FBXL17: variants seen among roughly 807,000 people sequenced by gnomAD.
The protein encoded by FBXL17 is F-box and leucine rich repeat protein 17, also known as F-box/LRR-repeat protein 17.
A neutral mutation model predicts 66.2 loss-of-function variants in FBXL17; 22 were observed. The ratio of observed to expected loss-of-function variants is 0.33; its 90% CI spans 0.24 to 0.47. The LOEUF (loss-of-function observed/expected upper bound fraction) is 0.47. FBXL17 is among the 20% of genes least tolerant of loss of function. FBXL17 has a pLI of 1.00. For missense variants in FBXL17, 878 were observed against 948.2 expected (o/e 0.93, Z 0.97); for synonymous variants, 474 against 400.5 (o/e 1.18, Z -2.19).
intron 4 of FBXL17, among the ~76,000 whole-genome samples, chr5:108,344,738 T>C (rs893076845): frequency 1.3e-5 from 2 of 152,194 alleles, no homozygotes. Context: ...ACAGGGAAAT[T>C]AAAGAAGCAC....
intron 6 of FBXL17, among the ~76,000 whole-genome samples, chr5:108,101,779 T>C (rs1205267899): frequency 6.6e-6 from 1 of 152,232 alleles, no homozygotes; most frequent in East Asian, 1.9e-4. Context: ...CCTACACTAA[T>C]CTGTGGCTTT....
At chr5:108,012,603 C>T (rs755144955) in intron 7 of FBXL17, among the ~76,000 whole-genome samples, 18 of 152,186 alleles carry the variant, frequency 1.2e-4, no homozygotes, top group Non-Finnish European at 2.1e-4. Context: ...TCTCTGACCT[C>T]TGAGTGATTA....
chr5:108,055,194 G>A (rs1747639450), intron 6 of FBXL17, among the ~76,000 whole-genome samples: 1 of 139,054 alleles, frequency 7.2e-6, no homozygotes, highest in African/African-American at 2.6e-5. Context: ...ATATGCTACA[G>A]TATTATTACC....
intron 1 of FBXL17, among the ~76,000 whole-genome samples, chr5:108,375,951 G>A (rs1329312384): frequency 2.0e-5 from 3 of 152,044 alleles, no homozygotes; most frequent in Admixed American, 2.0e-4. Context: ...AGGAATGCAA[G>A]GATGGTTCAA....
intron 8 of FBXL17, among the ~76,000 whole-genome samples, chr5:107,869,409 G>A (rs1748380064): frequency 6.6e-6 from 1 of 151,996 alleles, no homozygotes; most frequent in Non-Finnish European, 1.5e-5. Context: ...CTCTAAGATG[G>A]GCACATATTA....
intron 4 of FBXL17, among the ~76,000 whole-genome samples, chr5:108,231,849 G>C (rs1394778543): frequency 6.6e-6 from 1 of 152,098 alleles, no homozygotes; most frequent in Non-Finnish European, 1.5e-5. Flanking sequence ...AGATCCATTA[G>C]GGCTTCTTTT....
At chr5:107,883,135 C>T (rs981559525) in intron 7 of FBXL17, among the ~76,000 whole-genome samples, 7 of 152,194 alleles carry the variant, frequency 4.6e-5, no homozygotes, top group Admixed American at 3.9e-4. Context: ...CTACTGACTA[C>T]GTTCTATGTG....
intron 6 of FBXL17, among the ~76,000 whole-genome samples, chr5:108,041,644 C>T (rs761835501): frequency 1.4e-4 from 21 of 152,050 alleles, no homozygotes; most frequent in Non-Finnish European, 2.8e-4. Flanking sequence ...TCTCGAACTC[C>T]TTAGCTCAAG....
chr5:108,020,621 AAAC>A (rs1754557314), intron 7 of FBXL17, among the ~76,000 whole-genome samples: 1 of 151,816 alleles, frequency 6.6e-6, no homozygotes, highest in Admixed American at 6.6e-5. Flanking sequence ...TTTTATTGTT[AAAC>A]TTATTTTCAT....
chr5:108,301,432 A>T (rs752256697), intron 4 of FBXL17, among the ~76,000 whole-genome samples: 8 of 149,274 alleles, frequency 5.4e-5, no homozygotes, highest in Non-Finnish European at 1.0e-4. Context: ...TATTTACAAC[A>T]GCTTATCTAT....
At chr5:108,031,458 A>T (rs771056386) in intron 6 of FBXL17, among the ~76,000 whole-genome samples, 18 of 152,096 alleles carry the variant, frequency 1.2e-4, no homozygotes, top group South Asian at 2.1e-4. Context: ...AGAACCAAAG[A>T]AAGAGGGAAG....
chr5:108,190,373 TAG>T (rs933333328), intron 5 of FBXL17, among the ~76,000 whole-genome samples: 11 of 151,960 alleles, frequency 7.2e-5, no homozygotes, highest in Non-Finnish European at 1.3e-4. Context: ...GAAAGAGAAA[TAG>T]AGAGAGACAG....
intron 7 of FBXL17, among the ~76,000 whole-genome samples, chr5:107,901,554 A>G (rs987057585): frequency 2.0e-5 from 3 of 152,156 alleles, no homozygotes; most frequent in African/African-American, 7.2e-5. Flanking sequence ...GCAACAGGTG[A>G]AGGTGCTTTA....
At chr5:107,975,429 T>C (rs1012698124) in intron 7 of FBXL17, among the ~76,000 whole-genome samples, 1 of 152,234 alleles carries the variant, frequency 6.6e-6, no homozygotes, top group Admixed American at 6.5e-5. Context: ...TGTCATAATA[T>C]GTATTTTCAC....
intron 1 of FBXL17, 86 bp downstream of exon 1, chr5:108,380,613 C>A (rs1749778504): frequency 2.3e-6 from 2 of 879,932 alleles, no homozygotes; most frequent in Non-Finnish European, 3.0e-6. Context: ...CTCCTCCGCG[C>A]TTAGGGGGAG....
At chr5:108,017,461 A>G (rs1374647125) in intron 7 of FBXL17, among the ~76,000 whole-genome samples, 2 of 152,192 alleles carry the variant, frequency 1.3e-5, no homozygotes, top group African/African-American at 2.4e-5. Flanking sequence ...AAGATTCTGT[A>G]TGACAAGAAC....
At chr5:108,300,868 AGAAT>A (rs1184722628) in intron 4 of FBXL17, among the ~76,000 whole-genome samples, 3 of 151,828 alleles carry the variant, frequency 2.0e-5, no homozygotes, top group Admixed American at 6.6e-5. Flanking sequence ...AAAATGATTT[AGAAT>A]GAAAGATCAT....
At chr5:107,906,373 G>A (rs1348954349) in intron 7 of FBXL17, among the ~76,000 whole-genome samples, 1 of 152,104 alleles carries the variant, frequency 6.6e-6, no homozygotes, top group African/African-American at 2.4e-5. Context: ...AGCACCCACT[G>A]TTATGAAAAG....
In FBXL17 at chr5:107,946,258, TATATATATATATATA is replaced by T. The variant is rs1751278288; in HGVS notation, c.1823-65094_1823-65080del. ...TATTACTTTTATCAATCTCATTTTA[TATATATATATATATA>T]TATATATATATATATATATATATAT... On this transcript the variant is annotated intron_variant, in intron 7 of 8. Coordinates refer to ENST00000542267, the MANE Select transcript of FBXL17 (RefSeq NM_001163315.3). Among the ~76,000 whole-genome samples, 147 of 21,986 alleles carry T rather than the reference TATATATATATATATA, an allele frequency of 6.7e-3. 6 individuals are homozygous for T. The highest frequency in any genetic ancestry group is 0.045 in the Admixed American group (105 of 2,314). 14.4% of individuals were successfully genotyped at this position (21,986 alleles called of 152,430 possible). A position where few individuals can be genotyped will look rare whatever the true frequency, so the allele number is the denominator to read the frequency against.
Sources: gnomAD v4.1 joint callset for allele counts (sites outside exome capture counted in the v4.1 genomes callset) on GRCh38, gnomAD v4.1.1 for gene constraint, MANE v1.5 for transcripts, NCBI Gene and HGNC (gene_info 2026-07-23, HGNC 2026-07-21) for gene names.